The following LPAR3 variants were observed in gnomAD, a reference collection of about 807,000 sequenced individuals.
LPAR3 encodes lysophosphatidic acid receptor 3.
In LPAR3, 7 loss-of-function variants were observed where a neutral mutation model predicts 17.8. The observed-to-expected ratio is 0.39, with a 90% CI of 0.22 to 0.74. The LOEUF is 0.74. Among genes scored for constraint, LPAR3 ranks in the 30% least tolerant of loss-of-function variants. The pLI is 0.40. For synonymous variants in LPAR3, 179 were observed against 179.9 expected (o/e 0.99, Z 0.04); for missense variants, 391 against 453.4 (o/e 0.86, Z 1.25).
rs763053935 is a variant in LPAR3 at position 84,813,819 on chromosome 1, C to T, written c.*27G>A. The T allele has an allele frequency of 2.5e-6, 4 of 1,586,778 alleles. No individual in the cohort carries two copies. In the Admixed American group the frequency reaches 5.0e-5, roughly 20 times the overall value. ...TAACAGCTCTTTTCCCAGAGGAGGCCTGGGTGGGCCGAGAGGCATCCAGAG... is the reference window on the plus strand; with the variant it reads ...TAACAGCTCTTTTCCCAGAGGAGGCTTGGGTGGGCCGAGAGGCATCCAGAG... On this transcript the variant is annotated 3_prime_UTR_variant, in exon 3 of 3. Coordinates refer to ENST00000370611, the MANE Select transcript of LPAR3 (RefSeq NM_012152.3).
chr1:84,858,525 C>T (rs972959152), intron 2 of LPAR3, among the ~76,000 whole-genome samples: 2 of 150,986 alleles, frequency 1.3e-5, no homozygotes, highest in Non-Finnish European at 2.9e-5. Context: ...ACGATTCTTA[C>T]CTATTTCCCT....
chr1:84,826,041 AATG>A (rs548255922), intron 2 of LPAR3, among the ~76,000 whole-genome samples: 84 of 152,214 alleles, frequency 5.5e-4, no homozygotes, highest in South Asian at 2.5e-3. Context: ...TAGAGAATAT[AATG>A]ATAACGGTGC....
intron 2 of LPAR3, among the ~76,000 whole-genome samples, chr1:84,853,390 G>C (rs1291347754): frequency 5.3e-5 from 8 of 152,208 alleles, no homozygotes; most frequent in Non-Finnish European, 1.0e-4. Context: ...AGAAAGCAAA[G>C]ATTGGGAGGT....
In LPAR3 at chr1:84,865,884, A is replaced by G. The variant is rs1660036539; in HGVS notation, c.237T>C (p.Ala79=). The change falls in exon 2 of 3, where the codon GCT becomes GCC. Residue 79 remains alanine (A), a synonymous_variant. Coordinates refer to ENST00000370611, the MANE Select transcript of LPAR3 (RefSeq NM_012152.3). ...ACATCAGGAATACATAGGCAATTCC[A>G]GCGAAGAAATCGGCAGCAGCTAAAT... The part of the protein sequence containing the change: ...LANLAAADFF[A]GIAYVFLMFN... The G allele has an allele frequency of 6.2e-7, 1 of 1,614,232 alleles. No homozygotes were observed. The highest frequency in any genetic ancestry group is 8.5e-7 in the Non-Finnish European group (1 of 1,180,044).
At chr1:84,842,714 G>A (rs920929946) in intron 2 of LPAR3, among the ~76,000 whole-genome samples, 2 of 152,092 alleles carry the variant, frequency 1.3e-5, no homozygotes, top group Admixed American at 1.3e-4. Flanking sequence ...GGTAGACTTG[G>A]GAGTTCTTTT....
chr1:84,885,432 T>C (rs1660442831), intron 1 of LPAR3, among the ~76,000 whole-genome samples: 1 of 152,240 alleles, frequency 6.6e-6, no homozygotes, highest in South Asian at 2.1e-4. Context: ...TTGGTGAGAA[T>C]GTAAACTGAT....
chr1:84,857,758 G>C (rs2102761864), intron 2 of LPAR3, among the ~76,000 whole-genome samples: 1 of 152,286 alleles, frequency 6.6e-6, no homozygotes, highest in East Asian at 1.9e-4. Flanking sequence ...GTAGAGTATG[G>C]AGCCAGTCTC....
In LPAR3 at chr1:84,865,675, A is replaced by T; in HGVS notation, c.446T>A (p.Ile149Asn). 1.2e-6 allele frequency: 2 copies of T among 1,614,176 alleles called. No homozygotes were observed. The highest frequency in any genetic ancestry group is 1.7e-6 in the Non-Finnish European group (2 of 1,180,044). The change falls in exon 2 of 3, where the codon ATT becomes AAT. Residue 149 changes from isoleucine to asparagine, a missense_variant. Ile to Asn is a moderately radical substitution (Grantham distance 149). Coordinates refer to ENST00000370611, the MANE Select transcript of LPAR3 (RefSeq NM_012152.3). ...AATGGCGATGGCCCAGACAAGCAAA[A>T]TGAGCAGTGTCACCCTCTTTTTGGT... Reference protein sequence around the residue: ...NLTKKRVTLLILLVWAIAIFM... With the variant: ...NLTKKRVTLLNLLVWAIAIFM...
intron 2 of LPAR3, among the ~76,000 whole-genome samples, chr1:84,865,143 C>T (rs1660013545): frequency 6.6e-6 from 1 of 152,118 alleles, no homozygotes; most frequent in African/African-American, 2.4e-5. Context: ...TTTTTCCTTC[C>T]TTCCCTGATT....
At chr1:84,832,447 T>C (rs370379292) in intron 2 of LPAR3, among the ~76,000 whole-genome samples, 1 of 152,150 alleles carries the variant, frequency 6.6e-6, no homozygotes, top group Non-Finnish European at 1.5e-5. Context: ...ACATATTGTA[T>C]AAATGGAATA....
intron 2 of LPAR3, among the ~76,000 whole-genome samples, chr1:84,837,233 G>C (rs1659422998): frequency 3.3e-5 from 5 of 152,150 alleles, no homozygotes; most frequent in African/African-American, 1.2e-4. Context: ...ATGTTAGCCA[G>C]GGTGGTCTCG....
intron 2 of LPAR3, among the ~76,000 whole-genome samples, chr1:84,864,147 G>A (rs1036910709): frequency 3.3e-5 from 5 of 151,968 alleles, no homozygotes; most frequent in African/African-American, 1.2e-4. Context: ...AGGAGGTGGA[G>A]GTTGCAGTGA....
chr1:84,883,938 T>C (rs1424645595), intron 1 of LPAR3, among the ~76,000 whole-genome samples: 1 of 152,228 alleles, frequency 6.6e-6, no homozygotes, highest in East Asian at 1.9e-4. Flanking sequence ...AAATCATAAA[T>C]GTTAGAAATA....
At chr1:84,815,463 T>C (rs569425367) in intron 2 of LPAR3, among the ~76,000 whole-genome samples, 25 of 152,298 alleles carry the variant, frequency 1.6e-4, no homozygotes, top group African/African-American at 5.5e-4. Flanking sequence ...TATCACCAAC[T>C]ACTCTACTTG....
intron 2 of LPAR3, among the ~76,000 whole-genome samples, chr1:84,825,591 G>A (rs576647798): frequency 2.6e-5 from 4 of 152,286 alleles, no homozygotes; most frequent in Non-Finnish European, 4.4e-5. Flanking sequence ...CTGAACATCC[G>A]CTCCTTCTCC....
chr1:84,824,546 A>G (rs1347374086), intron 2 of LPAR3, among the ~76,000 whole-genome samples: 1 of 152,186 alleles, frequency 6.6e-6, no homozygotes, highest in African/African-American at 2.4e-5. Flanking sequence ...AATCCTGGTT[A>G]TGACTAAGGG....
Position 84,864,478 on chromosome 1 carries a change from C to T in LPAR3, c.736+907G>A, listed in dbSNP as rs192781401. ...TCCTGTTTTTGCTATTGCCTCATTA[C>T]AGCAGTGTCTTAAAACAGTAGCCAG... On this transcript the variant is annotated intron_variant, in intron 2 of 2. Coordinates refer to ENST00000370611, the MANE Select transcript of LPAR3 (RefSeq NM_012152.3). Among the ~76,000 whole-genome samples, 190 of 152,300 alleles carry T rather than the reference C, an allele frequency of 1.2e-3. 1 individual carries two copies. Among genetic ancestry groups the T allele is most frequent in the African/African-American group, 4.4e-3 (184 of 41,564 alleles).
chr1:84,868,198 C>T (rs1000640854), intron 1 of LPAR3, among the ~76,000 whole-genome samples: 1 of 152,174 alleles, frequency 6.6e-6, no homozygotes, highest in African/African-American at 2.4e-5. Context: ...CAACCTCTGC[C>T]TCCTGGGTTC....
intron 2 of LPAR3, among the ~76,000 whole-genome samples, chr1:84,833,050 T>C (rs1468647612): frequency 1.3e-5 from 2 of 152,180 alleles, no homozygotes; most frequent in East Asian, 3.8e-4. Flanking sequence ...AACGCTTAAA[T>C]GGTTCTTTCT....
Sources: gnomAD v4.1 joint callset for allele counts (sites outside exome capture counted in the v4.1 genomes callset) on GRCh38, gnomAD v4.1.1 for gene constraint, MANE v1.5 for transcripts, NCBI Gene and HGNC (gene_info 2026-07-23, HGNC 2026-07-21) for gene names.